The following PRKCI variants were observed in gnomAD, a reference collection of about 807,000 sequenced individuals.
PRKCI encodes protein kinase C iota type.
PRKCI carries 43 observed loss-of-function variants against 84.0 expected under a neutral mutation model. The observed-to-expected ratio is 0.51, with a 90% CI of 0.40 to 0.66. PRKCI has a LOEUF of 0.66. Among genes scored for constraint, PRKCI ranks in the 30% least tolerant of loss-of-function variants. The pLI is 0.00. For synonymous variants in PRKCI, 216 were observed against 234.4 expected (o/e 0.92, Z 0.72); for missense variants, 459 against 745.6 (o/e 0.62, Z 4.48).
rs1339988447 is a variant in PRKCI at position 170,286,320 on chromosome 3, A to G, written c.1203+1724A>G. ...TGTACCTATCACTTATATTTGTGGTACCTTTTTGATCTCTGTGTCATTTTT... is the reference window on the plus strand; with the variant it reads ...TGTACCTATCACTTATATTTGTGGTGCCTTTTTGATCTCTGTGTCATTTTT... On this transcript the variant is annotated intron_variant, in intron 12 of 17. Transcript: ENST00000295797. Among the ~76,000 whole-genome samples the G allele has an allele frequency of 2.0e-5, 3 of 152,014 alleles. No individual in the cohort carries two copies. In the East Asian group the frequency reaches 5.8e-4, roughly 29 times the overall value.
At chr3:170,238,325 T>C (rs1348320740) in intron 2 of PRKCI, among the ~76,000 whole-genome samples, 2 of 151,928 alleles carry the variant, frequency 1.3e-5, no homozygotes, top group Non-Finnish European at 2.9e-5. Flanking sequence ...ATTGTGTCGT[T>C]GTACTCCTGC....
chr3:170,279,786 T>G (rs1358454140), intron 8 of PRKCI, among the ~76,000 whole-genome samples: 1 of 152,206 alleles, frequency 6.6e-6, no homozygotes, highest in Non-Finnish European at 1.5e-5. Flanking sequence ...TCATTATAAC[T>G]TCTGAATTTA....
chr3:170,268,060 T>C, intron 5 of PRKCI, 60 bp downstream of exon 5: 1 of 1,351,478 alleles, frequency 7.4e-7, no homozygotes, highest in Admixed American at 1.9e-5. Flanking sequence ...CTTTCTACTA[T>C]GAAAGAAAGG....
chr3:170,285,798 G>T (rs1734369170), intron 12 of PRKCI, among the ~76,000 whole-genome samples: 1 of 150,690 alleles, frequency 6.6e-6, no homozygotes, highest in Non-Finnish European at 1.5e-5. Context: ...AGGCTGGAGT[G>T]CAATGGCACA....
chr3:170,288,752 G>A (rs1201214573), intron 12 of PRKCI, among the ~76,000 whole-genome samples: 3 of 152,054 alleles, frequency 2.0e-5, no homozygotes, highest in Non-Finnish European at 4.4e-5. Context: ...GTGAGACTCC[G>A]CCTCAAAATA....
chr3:170,236,436 T>C (rs1418037003), intron 2 of PRKCI, among the ~76,000 whole-genome samples: 1 of 152,228 alleles, frequency 6.6e-6, no homozygotes. Context: ...TGTGTTGTCT[T>C]ATATTTTAAT....
intron 2 of PRKCI, among the ~76,000 whole-genome samples, chr3:170,242,915 C>G (rs751619032): frequency 6.6e-6 from 1 of 152,116 alleles, no homozygotes; most frequent in Non-Finnish European, 1.5e-5. Flanking sequence ...AGGTGATCCG[C>G]CTGCCTCAGC....
chr3:170,257,879 G>A (rs1388886533), intron 2 of PRKCI, among the ~76,000 whole-genome samples: 2 of 152,000 alleles, frequency 1.3e-5, no homozygotes, highest in Non-Finnish European at 2.9e-5. Context: ...GGCCAGGCTG[G>A]TCTCAAACTC....
In PRKCI at chr3:170,282,976, G is replaced by A. The variant is rs972163105; in HGVS notation, c.1067+1008G>A. Among the ~76,000 whole-genome samples the A allele has an allele frequency of 3.3e-5, 5 of 151,532 alleles. No individual in the cohort carries two copies. In the South Asian group the frequency reaches 1.0e-3, roughly 31 times the overall value. On this transcript the variant is annotated intron_variant, in intron 11 of 17. Transcript: ENST00000295797. ...AAAAATTAGCCGGGCGTGGTGGCGG[G>A]CACCTGTGGTCCCAACTACTTGGGA... is the stretch of plus-strand genomic sequence containing the variant.
intron 4 of PRKCI, among the ~76,000 whole-genome samples, chr3:170,265,045 T>C (rs990123248): frequency 6.6e-6 from 1 of 151,998 alleles, no homozygotes; most frequent in Non-Finnish European, 1.5e-5. Flanking sequence ...AAAAGTTAGC[T>C]GGGTGTGGTG....
At chr3:170,268,047 TC>T (rs373435233) in intron 5 of PRKCI, 47 bp downstream of exon 5, 1 of 1,462,586 alleles carries the variant, frequency 6.8e-7, no homozygotes. Flanking sequence ...AGCTATTTTT[TC>T]CCTTTCTACT....
At chr3:170,241,762 A>G (rs528268285) in intron 2 of PRKCI, among the ~76,000 whole-genome samples, 7 of 147,344 alleles carry the variant, frequency 4.8e-5, no homozygotes, top group African/African-American at 1.1e-4. Context: ...CCTCAAACCT[A>G]TGGGCTTTTG....
intron 11 of PRKCI, 149 bp downstream of exon 11, chr3:170,282,117 A>G: frequency 1.4e-6 from 1 of 725,108 alleles, no homozygotes. Context: ...AAGTTAATTT[A>G]CATTATATAT....
In PRKCI at chr3:170,267,939, G is replaced by A. The variant is rs369872734; in HGVS notation, c.389G>A (p.Arg130His). ...GAATCCATCTACCGTAGAGGTGCAC[G>A]CCGCTGGAGAAAGCTTTATTGTGCC... ...EDKSIYRRGARRWRKLYCANG... is the reference protein window; with the variant it reads ...EDKSIYRRGAHRWRKLYCANG... The change falls in exon 5 of 18, where the codon CGC becomes CAC. Residue 130 changes from arginine to histidine, a missense_variant. Arg to His is a conservative substitution (Grantham distance 29). Around this residue, in one of 2 missense-constraint regions of PRKCI, gnomAD observed 250 missense variants for 319.7 expected, o/e 0.78. Coordinates refer to ENST00000295797, the MANE Select transcript of PRKCI (RefSeq NM_002740.6). 1.2e-5 allele frequency: 19 copies of A among 1,611,300 alleles called. No individual in the cohort carries two copies. The highest frequency in any genetic ancestry group is 2.2e-5 in the East Asian group (1 of 44,858).
At chr3:170,252,381 G>T (rs1453196549) in intron 2 of PRKCI, among the ~76,000 whole-genome samples, 1 of 152,108 alleles carries the variant, frequency 6.6e-6, no homozygotes, top group Non-Finnish European at 1.5e-5. Flanking sequence ...AGGTGTATGT[G>T]TTTATGGGGT....
In PRKCI at chr3:170,280,196, A is replaced by G. The variant is rs779415762; in HGVS notation, c.706-31A>G. 21 of 1,583,600 alleles carry G rather than the reference A, an allele frequency of 1.3e-5. No individual in the cohort carries two copies. The East Asian group carries it at 4.0e-4, about 30-fold the overall frequency. On this transcript the variant is annotated intron_variant, in intron 8 of 17. Transcript: ENST00000295797. ...TAATGTACTACGCAAAGCATTTCCC[A>G]TTATAACTCTGATACAAATGTTCTC...
At chr3:170,231,882 A>C (rs1732803082) in intron 1 of PRKCI, among the ~76,000 whole-genome samples, 1 of 152,206 alleles carries the variant, frequency 6.6e-6, no homozygotes, top group Non-Finnish European at 1.5e-5. Flanking sequence ...AAAAGCTTTT[A>C]AAGAATTAAA....
chr3:170,228,144 G>T (rs1427378035), intron 1 of PRKCI, among the ~76,000 whole-genome samples: 1 of 152,166 alleles, frequency 6.6e-6, no homozygotes, highest in African/African-American at 2.4e-5. Context: ...AAAGAATGGA[G>T]CAATTATTTA....
At chr3:170,272,170 T>A (rs974081804) in intron 6 of PRKCI, among the ~76,000 whole-genome samples, 4 of 152,090 alleles carry the variant, frequency 2.6e-5, no homozygotes, top group Admixed American at 6.6e-5. Context: ...CTTACTTCCT[T>A]AAGGATCCAG....
Sources: gnomAD v4.1 joint callset for allele counts (sites outside exome capture counted in the v4.1 genomes callset) on GRCh38, gnomAD v4.1.1 for gene constraint, gnomAD v4.1.1 regional missense constraint, MANE v1.5 for transcripts, NCBI Gene and HGNC (gene_info 2026-07-23, HGNC 2026-07-21) for gene names.